Variants in LONP1 observed in about 807,000 individuals in gnomAD.
The protein encoded by LONP1 is lon peptidase 1, mitochondrial.
In LONP1, 31 loss-of-function variants were observed where a neutral mutation model predicts 98.5. That is an observed-to-expected ratio of 0.31 (90% CI 0.24 to 0.42). The LOEUF (loss-of-function observed/expected upper bound fraction) is 0.42. Ranked by LOEUF, LONP1 falls within the 20% of genes least tolerant of loss-of-function variation. LONP1 has a pLI of 1.00. For synonymous variants in LONP1, 781 were observed against 594.7 expected (o/e 1.31, Z -4.56); for missense variants, 1,336 against 1,350.6 (o/e 0.99, Z 0.17).
chr19:5,696,616 A>G, intron 11 of LONP1, 54 bp downstream of exon 11: 1 of 1,499,042 alleles, frequency 6.7e-7, no homozygotes, highest in Non-Finnish European at 9.2e-7. Context: ...GCTCGGCTTC[A>G]TCTTGCACAC....
intron 14 of LONP1, 47 bp downstream of exon 14, chr19:5,694,714 A>G (rs1200130653): frequency 6.3e-7 from 1 of 1,579,256 alleles, no homozygotes; most frequent in Admixed American, 1.7e-5. Flanking sequence ...TCAGCGTGGG[A>G]TGGTGAGGTG....
At chr19:5,702,322 G>A (rs1426225336) in intron 8 of LONP1, among the ~76,000 whole-genome samples, 23 of 140,324 alleles carry the variant, frequency 1.6e-4, no homozygotes, top group Middle Eastern at 5.0e-3. Context: ...TCAGCCCCCC[G>A]CCCAGCCAGC....
chr19:5,705,233 G>C (rs1472428283), intron 8 of LONP1, among the ~76,000 whole-genome samples: 1 of 151,830 alleles, frequency 6.6e-6, no homozygotes. Flanking sequence ...AAGGCAGCCG[G>C]ATCATTTGAG....
chr19:5,704,521 C>T lies in LONP1; in HGVS notation c.1367+1251G>A, dbSNP rs150248083. ...AAGAAACTCATGCCTTCCCTCTAAGCGCTGTCCTACGGCCTGCCCAGCCCT... is the reference window on the plus strand; with the variant it reads ...AAGAAACTCATGCCTTCCCTCTAAGTGCTGTCCTACGGCCTGCCCAGCCCT... On this transcript the variant is annotated intron_variant, in intron 8 of 17. Coordinates refer to ENST00000360614, the MANE Select transcript of LONP1 (RefSeq NM_004793.4). Among the ~76,000 whole-genome samples the T allele has an allele frequency of 1.8e-3, 271 of 152,322 alleles. 1 individual carries two copies. Among genetic ancestry groups the T allele is most frequent in the African/African-American group, 6.3e-3 (261 of 41,574 alleles).
intron 1 of LONP1, among the ~76,000 whole-genome samples, chr19:5,717,867 A>G (rs1292302444): frequency 1.3e-5 from 2 of 149,604 alleles, no homozygotes; most frequent in Non-Finnish European, 3.0e-5. Context: ...GGTGCATGCC[A>G]CTGTGCCCGG....
Position 5,696,295 on chromosome 19 carries a change from G to A in LONP1, c.1850C>T (p.Ala617Val), listed in dbSNP as rs1190485210. The A allele has an allele frequency of 6.2e-7, 1 of 1,613,452 alleles. No homozygotes were observed. The highest frequency in any genetic ancestry group is 1.7e-5 in the Admixed American group (1 of 60,020). The change falls in exon 12 of 18, where the codon GCC (alanine) becomes GTC (valine). Residue 617 changes from alanine to valine, a missense_variant. By Grantham distance (64) the Ala-to-Val change is moderately conservative (BLOSUM62 0). Coordinates refer to ENST00000360614, the MANE Select transcript of LONP1 (RefSeq NM_004793.4). ...LLELLDPEQN[A>V]NFLDHYLDVP... ...GTCCAGGTAGTGGTCCAGGAAGTTG[G>A]CATTCTGCTCTGGGTCCAGCAGCTC...
intron 4 of LONP1, among the ~76,000 whole-genome samples, chr19:5,710,385 C>T (rs920856713): frequency 3.3e-5 from 5 of 151,586 alleles, no homozygotes; most frequent in South Asian, 4.2e-4. Context: ...CCACCGTGCC[C>T]GGCCTGAATT....
intron 8 of LONP1, among the ~76,000 whole-genome samples, chr19:5,705,457 CAAAAAA>C (rs552452093): frequency 9.4e-6 from 1 of 106,024 alleles, no homozygotes; most frequent in Non-Finnish European, 1.9e-5. Flanking sequence ...GACTCCATTT[CAAAAAA>C]AAAAAAAAAA....
chr19:5,716,794 G>A (rs892625413), intron 1 of LONP1, among the ~76,000 whole-genome samples: 1 of 152,116 alleles, frequency 6.6e-6, no homozygotes, highest in African/African-American at 2.4e-5. Context: ...GAACAAAGGA[G>A]GGAAGCAATT....
rs189905611 is a variant in LONP1, at chr19:5,696,584, C to G, written c.1773+86G>C. On this transcript the variant is annotated intron_variant, in intron 11 of 17. Coordinates refer to ENST00000360614, the MANE Select transcript of LONP1 (RefSeq NM_004793.4). ...CACGGCGATGGCCCCTGAGTTGGCT[C>G]GGGGATCCTAGGACCCGGAAGGCTC... 6.4e-5 allele frequency: 91 copies of G among 1,429,414 alleles called. 2 individuals carry two copies. In the South Asian group the frequency reaches 1.1e-3, roughly 17 times the overall value. The allele number at this position is 1,429,414 out of a possible 1,614,324, so 88.5% of individuals were successfully genotyped here. A position where few individuals can be genotyped will look rare whatever the true frequency, so the allele number is the denominator to read the frequency against.
chr19:5,691,870 G>T lies in LONP1; in HGVS notation c.*162C>A. 1 of 828,032 alleles carries T rather than the reference G, an allele frequency of 1.2e-6. No individual in the cohort carries two copies. The highest frequency in any genetic ancestry group is 1.9e-6 in the Non-Finnish European group (1 of 540,012). The allele number at this position is 828,032 out of a possible 1,614,324, so 51.3% of individuals were successfully genotyped here. On this transcript the variant is annotated 3_prime_UTR_variant, in exon 18 of 18. Transcript: ENST00000360614. Reference sequence around the variant, plus strand: ...ACTTTAATCATTAAATAGCTTCTATGCCACACTCTGATTAAGCCGACTGAG... The same window carrying T: ...ACTTTAATCATTAAATAGCTTCTATTCCACACTCTGATTAAGCCGACTGAG...
At chr19:5,692,734 C>T (rs1345660066) in intron 17 of LONP1, among the ~76,000 whole-genome samples, 1 of 152,164 alleles carries the variant, frequency 6.6e-6, no homozygotes, top group East Asian at 1.9e-4. Flanking sequence ...AATTTGCCTC[C>T]ACCATTTTAT....
At chr19:5,706,230 G>A (rs1179596579) in intron 7 of LONP1, among the ~76,000 whole-genome samples, 1 of 152,026 alleles carries the variant, frequency 6.6e-6, no homozygotes, top group African/African-American at 2.4e-5. Flanking sequence ...TCCACCTCCT[G>A]GGCTCAAGCG....
intron 1 of LONP1, 58 bp from the exon 2 acceptor site, chr19:5,714,329 G>T: frequency 8.6e-7 from 1 of 1,167,098 alleles, no homozygotes; most frequent in Admixed American, 1.8e-5. Flanking sequence ...TTGAGACAGA[G>T]TCTCATTCTG....
At chr19:5,694,989 C>T (rs919635101) in intron 13 of LONP1, 88 bp from the exon 14 acceptor site, 1 of 1,433,774 alleles carries the variant, frequency 7.0e-7, no homozygotes, top group Non-Finnish European at 9.4e-7. Flanking sequence ...TCTCCCATGG[C>T]CCCCAGACCC....
In LONP1 at chr19:5,692,586, G is replaced by C. The variant is rs146202176; in HGVS notation, c.2704-378C>G. 2.8e-3 allele frequency among the ~76,000 whole-genome samples: 428 copies of C among 152,242 alleles called. 3 individuals are homozygous for C. Among genetic ancestry groups the C allele is most frequent in the African/African-American group, 9.6e-3 (398 of 41,522 alleles). On this transcript the variant is annotated intron_variant, in intron 17 of 17. Transcript: ENST00000360614. ...GTGAGCATCTGCATCTCTGCCCCCA[G>C]GCCCTGCGTCACCCCCCTCACCTCC...
In LONP1 at chr19:5,720,050, C is replaced by G. The variant is rs541961432; in HGVS notation, c.83G>C (p.Gly28Ala). The G allele has an allele frequency of 9.9e-5, 152 of 1,538,410 alleles. No individual in the cohort carries two copies. In the African/African-American group the frequency reaches 2.0e-3, roughly 20 times the overall value. ...VLRRPMLAAA[G>A]GRVPTAAGAW... The stretch of plus-strand genomic sequence containing the variant: ...TCCTGCTGCAGTGGGAACCCGCCCC[C>G]CGGCGGCGGCCAGCATCGGCCGCCG... The change falls in exon 1 of 18, where the codon GGG (glycine) becomes GCG (alanine). Residue 28 changes from glycine to alanine, a missense_variant. By Grantham distance (60) the Gly-to-Ala change is moderately conservative. Transcript: ENST00000360614.
At chr19:5,693,203 C>T (rs1282464397) in intron 17 of LONP1, 95 bp downstream of exon 17, 3 of 1,473,524 alleles carry the variant, frequency 2.0e-6, no homozygotes, top group Non-Finnish European at 2.8e-6. Context: ...CTTCCCTCTC[C>T]TTGGCCCAGG....
rs1300463423 is a variant in LONP1, at chr19:5,692,202, G to A, written c.2710C>T (p.Arg904Cys). ...AGGACGATGCACGTCACCCCTGCGC[G>A]CTTGGCCTGGGGGCAGAGTCAGGGT... is the stretch of plus-strand genomic sequence containing the variant. ...GIKEKTIAAK[R>C]AGVTCIVLPA... The change falls in exon 18 of 18, where the codon CGC becomes TGC. Residue 904 changes from arginine (R) to cysteine (C), a missense_variant. Around this residue, in one of 5 missense-constraint regions of LONP1, gnomAD observed 555 missense variants for 542.6 expected, o/e 1.02. Coordinates refer to ENST00000360614, the MANE Select transcript of LONP1 (RefSeq NM_004793.4). The A allele has an allele frequency of 6.2e-6, 10 of 1,610,850 alleles. No individual in the cohort carries two copies. The highest frequency in any genetic ancestry group is 3.3e-5 in the South Asian group (3 of 90,684).
Sources: allele counts gnomAD v4.1 joint callset (sites outside exome capture counted in the v4.1 genomes callset), GRCh38; gene constraint gnomAD v4.1.1; regional missense constraint gnomAD v4.1.1; transcripts MANE v1.5; gene names NCBI Gene and HGNC (gene_info 2026-07-23, HGNC 2026-07-21).